Variants in CDC73 observed in about 807,000 individuals in gnomAD.
CDC73 encodes the protein parafibromin.
In CDC73, 21 loss-of-function variants were observed where a neutral mutation model predicts 83.7. The observed-to-expected ratio is 0.25, with a 90% CI of 0.18 to 0.36. CDC73 has a LOEUF of 0.36. CDC73 is among the 10% of genes least tolerant of loss of function. The pLI, the probability that CDC73 is intolerant of heterozygous loss-of-function variation, is 1.00. For missense variants in CDC73, 342 were observed against 653.3 expected (o/e 0.52, Z 5.19); for synonymous variants, 224 against 212.9 (o/e 1.05, Z -0.45).
At chr1:193,190,345 A>G (rs1456898024) in intron 10 of CDC73, among the ~76,000 whole-genome samples, 1 of 152,194 alleles carries the variant, frequency 6.6e-6, no homozygotes, top group Admixed American at 6.5e-5. Flanking sequence ...TTCATTACAT[A>G]AGGGATTTGG....
chr1:193,182,557 T>C (rs1376821643), intron 10 of CDC73, among the ~76,000 whole-genome samples: 1 of 152,198 alleles, frequency 6.6e-6, no homozygotes, highest in Non-Finnish European at 1.5e-5. Flanking sequence ...ATCCTTGAGT[T>C]GTGCTTTATT....
intron 13 of CDC73, among the ~76,000 whole-genome samples, chr1:193,217,446 A>G (rs564673485): frequency 2.0e-5 from 3 of 152,218 alleles, no homozygotes; most frequent in African/African-American, 7.2e-5. Flanking sequence ...TAGGGGAGCC[A>G]GAAAGGGGAT....
intron 3 of CDC73, among the ~76,000 whole-genome samples, chr1:193,132,796 A>G (rs1387458135): frequency 1.3e-5 from 2 of 151,968 alleles, no homozygotes; most frequent in African/African-American, 2.4e-5. Context: ...TGAGCCTGAT[A>G]AATAGGCTAG....
intron 10 of CDC73, among the ~76,000 whole-genome samples, chr1:193,189,064 G>A (rs1211776005): frequency 1.3e-5 from 2 of 150,690 alleles, no homozygotes; most frequent in African/African-American, 4.9e-5. Flanking sequence ...AGAGATTCTC[G>A]TGCTTCAGCC....
At chr1:193,152,028 T>C (rs1676122699) in intron 9 of CDC73, among the ~76,000 whole-genome samples, 1 of 152,208 alleles carries the variant, frequency 6.6e-6, no homozygotes, top group Non-Finnish European at 1.5e-5. Flanking sequence ...TTTGGGTCTT[T>C]TCATGGTATT....
rs182918337 is a variant in CDC73, at chr1:193,228,334, A to G, written c.1155-4659A>G. Among the ~76,000 whole-genome samples, 569 of 152,252 alleles carry G rather than the reference A, an allele frequency of 3.7e-3. 2 individuals are homozygous for G. Among genetic ancestry groups the G allele is most frequent in the Non-Finnish European group, 6.1e-3 (416 of 68,020 alleles). ...ATGGTACTATATATGTTGAATTTAA[A>G]TGTAGTGCAAAATATCTTCAAAAAA... On this transcript the variant is annotated intron_variant, in intron 13 of 16. Coordinates refer to ENST00000367435, the MANE Select transcript of CDC73 (RefSeq NM_024529.5).
At chr1:193,193,823 G>A (rs576227165) in intron 10 of CDC73, among the ~76,000 whole-genome samples, 1 of 146,030 alleles carries the variant, frequency 6.8e-6, no homozygotes, top group Non-Finnish European at 1.5e-5. Flanking sequence ...GTGTGTGTGT[G>A]TGTGTGTTGT....
chr1:193,243,909 C>A (rs993401860), intron 15 of CDC73, among the ~76,000 whole-genome samples: 4 of 152,068 alleles, frequency 2.6e-5, no homozygotes, highest in Non-Finnish European at 4.4e-5. Flanking sequence ...TAGTTGTTAA[C>A]ATCAAAAGCC....
At chr1:193,170,003 G>A (rs547180695) in intron 10 of CDC73, among the ~76,000 whole-genome samples, 31 of 152,054 alleles carry the variant, frequency 2.0e-4, no homozygotes, top group Non-Finnish European at 3.8e-4. Flanking sequence ...ATGTATCTGT[G>A]TATTATCATC....
At chr1:193,204,086 C>G (rs1463678508) in intron 11 of CDC73, among the ~76,000 whole-genome samples, 2 of 151,472 alleles carry the variant, frequency 1.3e-5, no homozygotes, top group African/African-American at 4.9e-5. Context: ...ATGTTTTTAG[C>G]AGAAAGACAT....
chr1:193,151,740 T>C (rs919831936), intron 9 of CDC73, among the ~76,000 whole-genome samples: 1 of 152,090 alleles, frequency 6.6e-6, no homozygotes, highest in Non-Finnish European at 1.5e-5. Flanking sequence ...CTGAGCAACA[T>C]GGCAAAACCG....
chr1:193,156,486 CAGTA>C (rs1222090187), intron 10 of CDC73, among the ~76,000 whole-genome samples: 1 of 152,014 alleles, frequency 6.6e-6, no homozygotes, highest in Non-Finnish European at 1.5e-5. Context: ...TTTTTTTTGA[CAGTA>C]AGTAAACTTA....
At chr1:193,137,337 C>G (rs1227151061) in intron 5 of CDC73, among the ~76,000 whole-genome samples, 1 of 152,182 alleles carries the variant, frequency 6.6e-6, no homozygotes, top group African/African-American at 2.4e-5. Flanking sequence ...TTTTGGATCT[C>G]TAGAGTATGC....
chr1:193,200,357 T>C (rs1677072520), intron 10 of CDC73, among the ~76,000 whole-genome samples: 1 of 152,256 alleles, frequency 6.6e-6, no homozygotes, highest in South Asian at 2.1e-4. Context: ...TCCACTTGTT[T>C]AAGCAGCACA....
At chr1:193,163,201 TC>T (rs1676373382) in intron 10 of CDC73, among the ~76,000 whole-genome samples, 1 of 150,934 alleles carries the variant, frequency 6.6e-6, no homozygotes, top group African/African-American at 2.4e-5. Flanking sequence ...ATTTTTTTTT[TC>T]CCCCTCCTAG....
intron 7 of CDC73, among the ~76,000 whole-genome samples, chr1:193,145,734 C>T (rs1381402958): frequency 2.0e-5 from 3 of 151,988 alleles, no homozygotes; most frequent in Non-Finnish European, 2.9e-5. Flanking sequence ...TTTGCTGCTC[C>T]AGAGAATTAT....
chr1:193,238,013 T>G (rs889203291), intron 15 of CDC73, among the ~76,000 whole-genome samples: 1 of 152,240 alleles, frequency 6.6e-6, no homozygotes, highest in Non-Finnish European at 1.5e-5. Flanking sequence ...CTTGCTTGCC[T>G]TGTTGAATAA....
In CDC73 at chr1:193,251,437, A is replaced by G; in HGVS notation, c.*725A>G. Reference sequence around the variant, plus strand: ...ACAGATTAAAACCACAATAGGCTGTAGTATTTTTTATTTTGGGAGCCAGAG... The same window carrying G: ...ACAGATTAAAACCACAATAGGCTGTGGTATTTTTTATTTTGGGAGCCAGAG... On this transcript the variant is annotated 3_prime_UTR_variant, in exon 17 of 17. Coordinates refer to ENST00000367435, the MANE Select transcript of CDC73 (RefSeq NM_024529.5). The G allele has an allele frequency of 4.3e-6, 1 of 232,122 alleles. No homozygotes were observed. 14.4% of individuals were successfully genotyped at this position (232,122 alleles called of 1,614,324 possible). A position where few individuals can be genotyped will look rare whatever the true frequency, so the allele number is the denominator to read the frequency against.
intron 2 of CDC73, among the ~76,000 whole-genome samples, chr1:193,129,487 A>AATTAATTTATTTATTT (rs142942063): frequency 4.2e-5 from 6 of 142,790 alleles, no homozygotes; most frequent in Admixed American, 7.0e-5. Flanking sequence ...TTCAAAAAGA[A>AATTAATTTATTTATTT]ATTTATTTAT....
Sources: allele counts gnomAD v4.1 joint callset (sites outside exome capture counted in the v4.1 genomes callset), GRCh38; gene constraint gnomAD v4.1.1; transcripts MANE v1.5; gene names NCBI Gene and HGNC (gene_info 2026-07-23, HGNC 2026-07-21).